Variants in UBR3 observed in about 807,000 individuals in gnomAD.
UBR3 encodes ubiquitin protein ligase E3 component n-recognin 3.
In UBR3, 85 loss-of-function variants were observed where a neutral mutation model predicts 243.2. The ratio of observed to expected loss-of-function variants is 0.35; its 90% CI spans 0.29 to 0.42. UBR3 has a LOEUF of 0.42. Ranked by LOEUF, UBR3 falls within the 10% of genes least tolerant of loss-of-function variation. The pLI is 1.00. For synonymous variants in UBR3, 748 were observed against 799.8 expected (o/e 0.94, Z 1.09); for missense variants, 1,686 against 2,300.8 (o/e 0.73, Z 5.47).
chr2:170,029,485 CTT>C (rs2090615474), intron 31 of UBR3, 37 bp downstream of exon 31: 1 of 1,496,794 alleles, frequency 6.7e-7, no homozygotes, highest in Non-Finnish European at 9.1e-7. Context: ...AATTAAAACT[CTT>C]TATGAAAAAC....
At chr2:169,874,662 G>C (rs1243064148) in intron 2 of UBR3, among the ~76,000 whole-genome samples, 1 of 152,118 alleles carries the variant, frequency 6.6e-6, no homozygotes, top group African/African-American at 2.4e-5. Flanking sequence ...TGAAAACCAA[G>C]AGCAAACATT....
chr2:169,974,036 A>G (rs553401732), intron 24 of UBR3, among the ~76,000 whole-genome samples: 158 of 152,272 alleles, frequency 1.0e-3, no homozygotes, highest in Non-Finnish European at 2.0e-3. Flanking sequence ...GCATCCTTGG[A>G]ATAAATCACA....
At chr2:169,834,644 C>A (rs1010537282) in intron 1 of UBR3, among the ~76,000 whole-genome samples, 2 of 152,226 alleles carry the variant, frequency 1.3e-5, no homozygotes, top group Non-Finnish European at 2.9e-5. Flanking sequence ...CCCTGTCCCA[C>A]TGCTTTTTCG....
chr2:170,061,491 G>A (rs2091455805), intron 35 of UBR3, 48 bp downstream of exon 35: 2 of 1,594,056 alleles, frequency 1.3e-6, no homozygotes, highest in African/African-American at 1.4e-5. Flanking sequence ...TTTTTCAGAT[G>A]GAGTCTCTCT....
chr2:169,908,972 C>T (rs1434290744), intron 10 of UBR3, among the ~76,000 whole-genome samples: 2 of 151,982 alleles, frequency 1.3e-5, no homozygotes, highest in South Asian at 2.1e-4. Context: ...TACAGGTGCC[C>T]GCCACCAAGC....
chr2:169,896,156 C>T (rs778236366), intron 7 of UBR3, among the ~76,000 whole-genome samples: 9 of 152,074 alleles, frequency 5.9e-5, no homozygotes, highest in Non-Finnish European at 1.2e-4. Flanking sequence ...GGCGTGATGG[C>T]GTGTGCCTGT....
chr2:169,928,679 A>G (rs199662359), intron 17 of UBR3, 48 bp from the exon 18 acceptor site: 189 of 1,392,940 alleles, frequency 1.4e-4, no homozygotes, highest in Non-Finnish European at 1.7e-4. Flanking sequence ...GAAAGGCTAT[A>G]AATCTGGCTT....
At chr2:170,080,900 A>G (rs975586359) in intron 38 of UBR3, among the ~76,000 whole-genome samples, 1 of 152,314 alleles carries the variant, frequency 6.6e-6, no homozygotes, top group Admixed American at 6.5e-5. Context: ...TTTTGCCACA[A>G]AGAATCCGTT....
chr2:169,929,505 G>T (rs569920465), intron 18 of UBR3, among the ~76,000 whole-genome samples: 1 of 152,260 alleles, frequency 6.6e-6, no homozygotes, highest in South Asian at 2.1e-4. Context: ...GAACCCAGGA[G>T]GTGGAGGTTA....
chr2:169,883,101 T>G (rs1197212702), intron 5 of UBR3, among the ~76,000 whole-genome samples: 1 of 152,196 alleles, frequency 6.6e-6, no homozygotes, highest in Non-Finnish European at 1.5e-5. Context: ...TGCTCACAAT[T>G]TTATGACTTA....
intron 32 of UBR3, among the ~76,000 whole-genome samples, chr2:170,053,647 T>C (rs2091272268): frequency 6.6e-6 from 1 of 152,232 alleles, no homozygotes; most frequent in African/African-American, 2.4e-5. Flanking sequence ...GCTGGGATTA[T>C]AGGTCTAGGC....
At chr2:170,050,783 T>C (rs41469352) in intron 32 of UBR3, among the ~76,000 whole-genome samples, 7,771 of 152,240 alleles carry the variant, frequency 0.051, 392 homozygotes, top group African/African-American at 0.13. Flanking sequence ...CTAAAAGATG[T>C]TGGTGTTACA....
At chr2:169,984,496 A>G (rs777464612) in intron 24 of UBR3, among the ~76,000 whole-genome samples, 4 of 152,184 alleles carry the variant, frequency 2.6e-5, no homozygotes, top group Non-Finnish European at 5.9e-5. Flanking sequence ...TTCTTTAACA[A>G]TTTACATACA....
chr2:169,878,205 A>C (rs1433919203), intron 4 of UBR3, among the ~76,000 whole-genome samples: 1 of 152,148 alleles, frequency 6.6e-6, no homozygotes, highest in Non-Finnish European at 1.5e-5. Context: ...TTACTAAAAT[A>C]CAAAAATTAG....
At chr2:169,905,894 A>G (rs1350069765) in intron 9 of UBR3, 137 bp from the exon 10 acceptor site, 40 of 877,750 alleles carry the variant, frequency 4.6e-5, no homozygotes, top group Non-Finnish European at 5.9e-5. Flanking sequence ...TTAGTAATTT[A>G]CTTATTTCTA....
In UBR3 at chr2:169,977,012, A is replaced by T. The variant is rs78922509; in HGVS notation, c.3635-9633A>T. 3.6e-3 allele frequency among the ~76,000 whole-genome samples: 550 copies of T among 151,236 alleles called. 4 individuals are homozygous for T. The highest frequency in any genetic ancestry group is 0.013 in the African/African-American group (522 of 41,210). The stretch of plus-strand genomic sequence containing the variant: ...GTCTGCTGTTGAAGCTTTCTGTGGT[A>T]TTTTTTTGTTTGATTTATTCAGCTG... On this transcript the variant is annotated intron_variant, in intron 24 of 38. Transcript: ENST00000272793.
chr2:170,074,502 C>A (rs1559238447), intron 36 of UBR3, among the ~76,000 whole-genome samples: 1 of 152,140 alleles, frequency 6.6e-6, no homozygotes, highest in East Asian at 1.9e-4. Context: ...GCTTGCCTTT[C>A]CATCTCATCG....
intron 23 of UBR3, among the ~76,000 whole-genome samples, chr2:169,957,873 C>G (rs1489470018): frequency 6.6e-6 from 1 of 152,168 alleles, no homozygotes; most frequent in African/African-American, 2.4e-5. Context: ...CCTTCACATT[C>G]TTTTACTTTA....
At chr2:169,953,614 AG>A (rs1428435932) in intron 23 of UBR3, among the ~76,000 whole-genome samples, 1 of 152,240 alleles carries the variant, frequency 6.6e-6, no homozygotes, top group Non-Finnish European at 1.5e-5. Context: ...ATCTCGATTA[AG>A]AAAACATTCA....
Sources: gnomAD v4.1 joint callset for allele counts (sites outside exome capture counted in the v4.1 genomes callset) on GRCh38, gnomAD v4.1.1 for gene constraint, MANE v1.5 for transcripts, NCBI Gene and HGNC (gene_info 2026-07-23, HGNC 2026-07-21) for gene names.